Variants in SLC44A5 observed in about 807,000 individuals in gnomAD.
SLC44A5 encodes the protein solute carrier family 44 member 5.
A neutral mutation model predicts 101.8 loss-of-function variants in SLC44A5; 57 were observed. The ratio of observed to expected loss-of-function variants is 0.56; its 90% CI spans 0.45 to 0.70. SLC44A5 has a LOEUF of 0.70. SLC44A5 is among the 30% of genes least tolerant of loss of function. The pLI is 0.00. For synonymous variants in SLC44A5, 281 were observed against 290.9 expected (o/e 0.97, Z 0.35); for missense variants, 737 against 853.1 (o/e 0.86, Z 1.70).
At chr1:75,371,960 G>A (rs944468001) in intron 3 of SLC44A5, among the ~76,000 whole-genome samples, 1 of 152,158 alleles carries the variant, frequency 6.6e-6, no homozygotes, top group African/African-American at 2.4e-5. Flanking sequence ...ACTTTGGGAG[G>A]CCGAGGCGGG....
At chr1:75,595,365 T>C (rs1367940433) in intron 1 of SLC44A5, among the ~76,000 whole-genome samples, 6 of 152,054 alleles carry the variant, frequency 3.9e-5, no homozygotes, top group African/African-American at 1.4e-4. Flanking sequence ...GCATACCAGA[T>C]TTCAATATTT....
chr1:75,363,005 T>A (rs2101123981), intron 3 of SLC44A5, among the ~76,000 whole-genome samples: 1 of 152,198 alleles, frequency 6.6e-6, no homozygotes, highest in Non-Finnish European at 1.5e-5. Flanking sequence ...GTTGGGTGCA[T>A]ATATATTTAC....
At position 75,202,871 on chromosome 1, in the gene SLC44A5, CA is replaced by C. The variant is rs1324652134; in HGVS notation, c.*855del. The stretch of plus-strand genomic sequence containing the variant: ...ACTTCTCTTTTAGTAAAAAAAAAAA[CA>C]AAGAAATCCAACAAGTGTTCTTTCG... On this transcript the variant is annotated 3_prime_UTR_variant, in exon 24 of 24. Coordinates refer to ENST00000370859, the MANE Select transcript of SLC44A5 (RefSeq NM_001130058.2). 3 of 148,586 alleles carry C rather than the reference CA, an allele frequency of 2.0e-5. No homozygotes were observed. The highest frequency in any genetic ancestry group is 7.5e-5 in the African/African-American group (3 of 40,226). 9.2% of individuals were successfully genotyped at this position (148,586 alleles called of 1,614,324 possible). A position where few individuals can be genotyped will look rare whatever the true frequency, so the allele number is the denominator to read the frequency against.
intron 2 of SLC44A5, among the ~76,000 whole-genome samples, chr1:75,444,737 G>A (rs1039756278): frequency 6.6e-6 from 1 of 152,060 alleles, no homozygotes; most frequent in Non-Finnish European, 1.5e-5. Flanking sequence ...ATGCATAAGG[G>A]GAGGGTTCCA....
chr1:75,675,822 A>G, the SLC44A5 span, among the ~76,000 whole-genome samples: 3 of 152,326 alleles, frequency 2.0e-5, 1 homozygote, highest in Middle Eastern at 0.01. Context: ...AAGGTCTAAT[A>G]TCCAGAATCT....
At chr1:75,527,663 A>C (rs1442154763) in intron 2 of SLC44A5, among the ~76,000 whole-genome samples, 1 of 152,048 alleles carries the variant, frequency 6.6e-6, no homozygotes, top group Non-Finnish European at 1.5e-5. Context: ...TACTTATTTC[A>C]TTTTAAATTG....
intron 1 of SLC44A5, among the ~76,000 whole-genome samples, chr1:75,586,806 AGG>A: frequency 1.3e-5 from 2 of 152,196 alleles, no homozygotes; most frequent in Admixed American, 6.5e-5. Flanking sequence ...ATGTACCCCA[AGG>A]GCCTAGCACG....
At chr1:75,673,455 A>T in the SLC44A5 span, among the ~76,000 whole-genome samples, 1 of 151,438 alleles carries the variant, frequency 6.6e-6, no homozygotes, top group Admixed American at 6.6e-5. Context: ...TAGCTCCCAG[A>T]CAGCATCACT....
intron 2 of SLC44A5, among the ~76,000 whole-genome samples, chr1:75,536,426 C>A (rs543896284): frequency 6.6e-6 from 1 of 150,766 alleles, no homozygotes; most frequent in African/African-American, 2.4e-5. Flanking sequence ...AGTGAAACCC[C>A]GTCTCTACTA....
At chr1:75,366,906 T>C (rs1398620153) in intron 3 of SLC44A5, among the ~76,000 whole-genome samples, 1 of 151,272 alleles carries the variant, frequency 6.6e-6, no homozygotes, top group African/African-American at 2.4e-5. Context: ...ATTAAACTTC[T>C]CATTGTGTTA....
chr1:75,702,809 A>G, the SLC44A5 span, among the ~76,000 whole-genome samples: 3 of 152,154 alleles, frequency 2.0e-5, no homozygotes, highest in Non-Finnish European at 4.4e-5. Flanking sequence ...CAACAAATTT[A>G]CGAGAAAAAA....
chr1:75,424,819 A>G (rs1481059681), intron 2 of SLC44A5, among the ~76,000 whole-genome samples: 1 of 152,216 alleles, frequency 6.6e-6, no homozygotes, highest in African/African-American at 2.4e-5. Context: ...GTATCTCAAT[A>G]TAATTTCTTC....
chr1:75,496,504 A>G (rs892787187), intron 2 of SLC44A5, among the ~76,000 whole-genome samples: 7 of 152,048 alleles, frequency 4.6e-5, no homozygotes, highest in Non-Finnish European at 7.4e-5. Flanking sequence ...GAAACTGTAA[A>G]ACTTCTAAGA....
chr1:75,334,223 T>C (rs1331381152), intron 4 of SLC44A5, among the ~76,000 whole-genome samples: 1 of 152,216 alleles, frequency 6.6e-6, no homozygotes, highest in Non-Finnish European at 1.5e-5. Flanking sequence ...AGCTTGTCTG[T>C]TTTGTTCATC....
the SLC44A5 span, among the ~76,000 whole-genome samples, chr1:75,675,386 G>A: frequency 6.6e-6 from 1 of 152,016 alleles, no homozygotes; most frequent in African/African-American, 2.4e-5. Flanking sequence ...GTGAGTGGGA[G>A]TTTTTTTCAC....
the SLC44A5 span, among the ~76,000 whole-genome samples, chr1:75,672,035 A>G: frequency 6.8e-6 from 1 of 147,650 alleles, no homozygotes; most frequent in African/African-American, 2.5e-5. Flanking sequence ...AGCAACACCA[A>G]ACTGACCAAC....
At chr1:75,625,318 T>A in the SLC44A5 span, among the ~76,000 whole-genome samples, 1 of 152,158 alleles carries the variant, frequency 6.6e-6, no homozygotes, top group East Asian at 1.9e-4. Context: ...CTTTCAAAAA[T>A]CCTGGATTTC....
At chr1:75,488,682 A>AT (rs1248044284) in intron 2 of SLC44A5, among the ~76,000 whole-genome samples, 4 of 152,110 alleles carry the variant, frequency 2.6e-5, no homozygotes, top group Admixed American at 1.3e-4. Flanking sequence ...AACTTTAATT[A>AT]TTTTTTTAAA....
chr1:75,498,871 T>A (rs1234895851), intron 2 of SLC44A5, among the ~76,000 whole-genome samples: 1 of 152,230 alleles, frequency 6.6e-6, no homozygotes, highest in Non-Finnish European at 1.5e-5. Flanking sequence ...TATCAGCAAA[T>A]ATACTCAAAA....
Sources: allele counts gnomAD v4.1 joint callset (sites outside exome capture counted in the v4.1 genomes callset), GRCh38; gene constraint gnomAD v4.1.1; transcripts MANE v1.5; gene names NCBI Gene and HGNC (gene_info 2026-07-23, HGNC 2026-07-21).